Variants in GPC5 observed in about 807,000 individuals in gnomAD.
GPC5 encodes glypican-5.
Under a neutral mutation model 53.9 loss-of-function variants are expected in GPC5, and 47 were observed. The observed-to-expected ratio is 0.87, with a 90% CI of 0.69 to 1.11. The LOEUF is 1.11. Ranked by LOEUF, GPC5 falls within the 50% of genes most tolerant of loss-of-function variation. GPC5 has a pLI of 0.00. For synonymous variants in GPC5, 286 were observed against 263.3 expected (o/e 1.09, Z -0.84); for missense variants, 748 against 713.1 (o/e 1.05, Z -0.56).
chr13:92,201,100 ACTT>A (rs1225396845), intron 7 of GPC5, among the ~76,000 whole-genome samples: 1 of 152,004 alleles, frequency 6.6e-6, no homozygotes, highest in East Asian at 1.9e-4. Context: ...TCATCTCTGG[ACTT>A]TAGTGAATGC....
chr13:91,887,326 C>G (rs1478943268), intron 5 of GPC5, among the ~76,000 whole-genome samples: 2 of 152,142 alleles, frequency 1.3e-5, no homozygotes, highest in Non-Finnish European at 2.9e-5. Flanking sequence ...GCAGGGGCAC[C>G]TGCACCTGGC....
At chr13:92,177,887 C>T (rs1039454418) in intron 7 of GPC5, among the ~76,000 whole-genome samples, 45 of 152,114 alleles carry the variant, frequency 3.0e-4, no homozygotes, top group Non-Finnish European at 6.3e-4. Context: ...TCTTTCAGTT[C>T]AGGCATTATA....
At chr13:91,662,532 A>G (rs1045608935) in intron 2 of GPC5, among the ~76,000 whole-genome samples, 2 of 151,708 alleles carry the variant, frequency 1.3e-5, no homozygotes, top group Admixed American at 1.3e-4. Flanking sequence ...CAGTAAAAGT[A>G]TGAGAAGAAT....
At chr13:92,237,237 T>C (rs1160232834) in intron 7 of GPC5, among the ~76,000 whole-genome samples, 1 of 152,200 alleles carries the variant, frequency 6.6e-6, no homozygotes, top group Non-Finnish European at 1.5e-5. Context: ...TTATTGTTTT[T>C]TGAGATGGAG....
rs376473371 is a variant in GPC5 at position 92,541,717 on chromosome 13, C to T, written c.1562-324565C>T. Among the ~76,000 whole-genome samples, 24 of 151,902 alleles carry T rather than the reference C, an allele frequency of 1.6e-4. No homozygotes were observed. The East Asian group carries it at 2.9e-3, about 18-fold the overall frequency. On this transcript the variant is annotated intron_variant, in intron 7 of 7. Coordinates refer to ENST00000377067, the MANE Select transcript of GPC5 (RefSeq NM_004466.6). Reference sequence around the variant, plus strand: ...CCAGCCTCATGAGTATTTTCTCCTACGCTATTTTCTAACTTTTTTGTTTGT... The same window carrying T: ...CCAGCCTCATGAGTATTTTCTCCTATGCTATTTTCTAACTTTTTTGTTTGT...
intron 2 of GPC5, among the ~76,000 whole-genome samples, chr13:91,670,877 C>T (rs2035228942): frequency 6.6e-6 from 1 of 152,152 alleles, no homozygotes; most frequent in Admixed American, 6.6e-5. Flanking sequence ...TGTAATAAAA[C>T]TGATAGAATT....
In GPC5 at chr13:91,721,064, C is replaced by T. The variant is rs377221755; in HGVS notation, c.1021-7468C>T. On this transcript the variant is annotated intron_variant, in intron 3 of 7. Transcript: ENST00000377067. ...GTCCATTTTCTTTCTTCCTTCCTTC[C>T]CTTTCTTTCTTTCTTTCTTTCTTTC... 7.6e-4 allele frequency among the ~76,000 whole-genome samples: 93 copies of T among 122,344 alleles called. 2 individuals carry two copies. Among genetic ancestry groups the T allele is most frequent in the South Asian group, 2.0e-3 (7 of 3,490 alleles). 80.3% of individuals were successfully genotyped at this position (122,344 alleles called of 152,430 possible).
intron 2 of GPC5, among the ~76,000 whole-genome samples, chr13:91,593,256 A>G (rs1172217083): frequency 6.6e-6 from 1 of 152,104 alleles, no homozygotes; most frequent in Non-Finnish European, 1.5e-5. Flanking sequence ...TCTCAGCCTC[A>G]GTGTCTGCGT....
chr13:92,032,081 C>A (rs1400665788), intron 6 of GPC5, among the ~76,000 whole-genome samples: 1 of 134,722 alleles, frequency 7.4e-6, no homozygotes, highest in Non-Finnish European at 1.5e-5. Flanking sequence ...TATAATATAT[C>A]TGATGGAATA....
intron 7 of GPC5, among the ~76,000 whole-genome samples, chr13:92,175,099 C>A (rs1250854855): frequency 1.3e-5 from 2 of 152,208 alleles, no homozygotes; most frequent in African/African-American, 4.8e-5. Flanking sequence ...GTGATCAACC[C>A]GCCTTGGCCA....
At chr13:92,364,942 T>C (rs2043596459) in intron 7 of GPC5, among the ~76,000 whole-genome samples, 1 of 151,800 alleles carries the variant, frequency 6.6e-6, no homozygotes, top group South Asian at 2.1e-4. Flanking sequence ...TTTTGTAAAC[T>C]CTTTTGTACA....
At chr13:92,774,198 C>CTTAA (rs1486651376) in intron 7 of GPC5, among the ~76,000 whole-genome samples, 2 of 152,212 alleles carry the variant, frequency 1.3e-5, no homozygotes, top group African/African-American at 4.8e-5. Context: ...TCCCTCACAG[C>CTTAA]TTAACCTCAG....
intron 2 of GPC5, among the ~76,000 whole-genome samples, chr13:91,686,275 A>G (rs979879995): frequency 6.6e-6 from 1 of 152,022 alleles, no homozygotes; most frequent in African/African-American, 2.4e-5. Flanking sequence ...ATGAAGCCCA[A>G]ATTAATGAGG....
intron 6 of GPC5, among the ~76,000 whole-genome samples, chr13:92,109,065 T>G (rs2041534395): frequency 7.1e-6 from 1 of 140,814 alleles, no homozygotes; most frequent in African/African-American, 2.7e-5. Flanking sequence ...ATGTTGGTTT[T>G]TTTTTTTTTT....
chr13:91,536,851 G>A lies in GPC5; in HGVS notation c.325+87929G>A, dbSNP rs534811108. On this transcript the variant is annotated intron_variant, in intron 2 of 7. Transcript: ENST00000377067. ...TAGCAAACTAATATGAAAATCATATGCTCTCTGATCACAACATACTGAAAT... is the reference window on the plus strand; with the variant it reads ...TAGCAAACTAATATGAAAATCATATACTCTCTGATCACAACATACTGAAAT... Among the ~76,000 whole-genome samples the A allele has an allele frequency of 2.6e-5, 4 of 152,324 alleles. No homozygotes were observed. In the South Asian group the frequency reaches 8.3e-4, roughly 32 times the overall value.
At chr13:91,432,421 A>G (rs1022885276) in intron 1 of GPC5, among the ~76,000 whole-genome samples, 1 of 152,182 alleles carries the variant, frequency 6.6e-6, no homozygotes, top group Admixed American at 6.6e-5. Flanking sequence ...ATTGGTTATA[A>G]AAGTTAAAAC....
chr13:92,428,022 T>G (rs1439594538), intron 7 of GPC5, among the ~76,000 whole-genome samples: 4 of 152,184 alleles, frequency 2.6e-5, no homozygotes, highest in African/African-American at 9.6e-5. Flanking sequence ...TCCACTTGCA[T>G]GTTTTATTGA....
chr13:92,362,294 C>T (rs201021415), intron 7 of GPC5, among the ~76,000 whole-genome samples: 3 of 151,742 alleles, frequency 2.0e-5, no homozygotes, highest in East Asian at 3.9e-4. Flanking sequence ...GATAAAGAAG[C>T]TGGTACACAG....
At chr13:92,754,767 C>T (rs1874780956) in intron 7 of GPC5, among the ~76,000 whole-genome samples, 1 of 151,390 alleles carries the variant, frequency 6.6e-6, no homozygotes, top group Admixed American at 6.6e-5. Context: ...ATCAATTCAA[C>T]AAGAAGAGCT....
Sources: gnomAD v4.1 joint callset for allele counts (sites outside exome capture counted in the v4.1 genomes callset) on GRCh38, gnomAD v4.1.1 for gene constraint, MANE v1.5 for transcripts, NCBI Gene and HGNC (gene_info 2026-07-23, HGNC 2026-07-21) for gene names.